PHIP: variants seen among roughly 807,000 people sequenced by gnomAD.
PHIP encodes the protein PH-interacting protein.
PHIP carries 54 observed loss-of-function variants against 236.8 expected under a neutral mutation model. That is an observed-to-expected ratio of 0.23 (90% CI 0.18 to 0.29). The LOEUF is 0.29. Among genes scored for constraint, PHIP ranks in the 10% least tolerant of loss-of-function variants. The pLI, the probability that PHIP is intolerant of heterozygous loss-of-function variation, is 1.00. For missense variants in PHIP, 1,370 were observed against 2,190.8 expected, an observed-to-expected ratio of 0.63 and a Z score of 7.48; for synonymous variants, 756 against 718.9, an observed-to-expected ratio of 1.05 and a Z score of -0.83.
chr6:78,936,927 C>T lies in PHIP; in HGVS notation c.*3766G>A, dbSNP rs1051323466. The T allele has an allele frequency of 7.3e-5, 11 of 151,664 alleles. No individual in the cohort carries two copies. The highest frequency in any genetic ancestry group is 1.6e-4 in the Non-Finnish European group (11 of 67,690). 9.4% of individuals were successfully genotyped at this position (151,664 alleles called of 1,614,324 possible). On this transcript the variant is annotated 3_prime_UTR_variant, in exon 40 of 40. Transcript: ENST00000275034. The stretch of plus-strand genomic sequence containing the variant: ...CTAAGGGAAACTGCAAGGGTAGAAG[C>T]AAAGAAAAGTGTATTTTTCAAATTT...
At chr6:78,961,900 C>T (rs1215344501) in intron 30 of PHIP, 90 bp from the exon 31 acceptor site, 12 of 959,904 alleles carry the variant, frequency 1.3e-5, no homozygotes, top group Non-Finnish European at 1.9e-5. Context: ...TTAAAAAGTC[C>T]TAATCTACAT....
At chr6:79,026,962 C>T (rs1771436423) in intron 7 of PHIP, among the ~76,000 whole-genome samples, 1 of 151,892 alleles carries the variant, frequency 6.6e-6, no homozygotes, top group African/African-American at 2.4e-5. Context: ...GTCTTTAACA[C>T]AAGGTTAAAA....
At chr6:79,076,050 A>C (rs1774143510) in intron 4 of PHIP, among the ~76,000 whole-genome samples, 1 of 152,240 alleles carries the variant, frequency 6.6e-6, no homozygotes, top group South Asian at 2.1e-4. Flanking sequence ...CTTGAAAATT[A>C]ACACACGTTC....
chr6:79,035,277 T>A (rs938069532), intron 7 of PHIP, among the ~76,000 whole-genome samples: 4 of 152,008 alleles, frequency 2.6e-5, no homozygotes, highest in African/African-American at 9.7e-5. Context: ...TTCTTGGGAG[T>A]TGACTTTCAA....
rs1450069937 is a variant in PHIP at position 79,070,293 on chromosome 6, ATTAAT to A, written c.189+7150_189+7154del. 3.9e-5 allele frequency among the ~76,000 whole-genome samples: 6 copies of A among 152,360 alleles called. No individual in the cohort carries two copies. The East Asian group carries it at 1.2e-3, about 29-fold the overall frequency. ...GGAATCTGATGAAAAGTTACTGTGT[ATTAAT>A]TTAAGGACGAAACATCCTTTAACTG... On this transcript the variant is annotated intron_variant, in intron 4 of 39. Transcript: ENST00000275034.
intron 16 of PHIP, 91 bp downstream of exon 16, chr6:79,003,639 G>A: frequency 1.2e-6 from 1 of 814,496 alleles, no homozygotes; most frequent in Non-Finnish European, 1.8e-6. Context: ...TGAATGTAAA[G>A]ATGCTGATTC....
intron 13 of PHIP, 128 bp from the exon 14 acceptor site, chr6:79,015,911 T>C (rs1770813482): frequency 3.2e-6 from 2 of 616,942 alleles, no homozygotes; most frequent in African/African-American, 3.8e-5. Flanking sequence ...AACTGAGAAG[T>C]TTGAATCAAC....
At chr6:79,071,912 T>C (rs548019194) in intron 4 of PHIP, among the ~76,000 whole-genome samples, 101 of 151,986 alleles carry the variant, frequency 6.6e-4, no homozygotes, top group African/African-American at 2.3e-3. Flanking sequence ...ATTATTATTA[T>C]TTTCTTATTA....
At position 78,971,501 on chromosome 6, in the gene PHIP, T is replaced by C. The variant is rs182472083; in HGVS notation, c.2890-613A>G. 2.0e-5 allele frequency among the ~76,000 whole-genome samples: 3 copies of C among 152,314 alleles called. No homozygotes were observed. The East Asian group carries it at 5.8e-4, about 30-fold the overall frequency. On this transcript the variant is annotated intron_variant, in intron 24 of 39. Coordinates refer to ENST00000275034, the MANE Select transcript of PHIP (RefSeq NM_017934.7). Reference sequence around the variant, plus strand: ...TATCCCATACTTTCATTCTATTCATTAATACCATTATTGCGGGGAGGGGCC... The same window carrying C: ...TATCCCATACTTTCATTCTATTCATCAATACCATTATTGCGGGGAGGGGCC...
intron 4 of PHIP, among the ~76,000 whole-genome samples, chr6:79,061,353 G>A (rs2127772963): frequency 6.6e-6 from 1 of 151,988 alleles, no homozygotes; most frequent in South Asian, 2.1e-4. Flanking sequence ...AGTATGTTTT[G>A]GGAACCCCTG....
intron 7 of PHIP, among the ~76,000 whole-genome samples, chr6:79,035,326 T>C (rs1771873572): frequency 6.6e-6 from 1 of 152,164 alleles, no homozygotes; most frequent in Admixed American, 6.6e-5. Flanking sequence ...AGTGTCATAG[T>C]ATTGGCTTCT....
At chr6:79,042,070 C>T (rs1437133315) in intron 7 of PHIP, among the ~76,000 whole-genome samples, 1 of 151,952 alleles carries the variant, frequency 6.6e-6, no homozygotes, top group Non-Finnish European at 1.5e-5. Flanking sequence ...AAATTAAAAA[C>T]CTTGTGAATG....
chr6:79,039,133 A>G (rs955296678), intron 7 of PHIP, among the ~76,000 whole-genome samples: 1 of 152,196 alleles, frequency 6.6e-6, no homozygotes, highest in Non-Finnish European at 1.5e-5. Flanking sequence ...GGTTCAATGA[A>G]AAGAAAAATT....
rs1391546840 is a variant in PHIP at position 78,963,456 on chromosome 6, CTAAA to C, written c.3380-208_3380-205del. ...TTTAAATGATACTATAAGTAATTCT[CTAAA>C]TAATTACTTCTCCAAAATTATACCT... On this transcript the variant is annotated intron_variant, in intron 29 of 39. Transcript: ENST00000275034. Among the ~76,000 whole-genome samples the C allele has an allele frequency of 4.6e-5, 7 of 152,094 alleles. No individual in the cohort carries two copies. In the East Asian group the frequency reaches 1.2e-3, roughly 25 times the overall value.
chr6:78,938,512 A>C lies in PHIP; in HGVS notation c.*2181T>G, dbSNP rs1352593489. On this transcript the variant is annotated 3_prime_UTR_variant, in exon 40 of 40. Coordinates refer to ENST00000275034, the MANE Select transcript of PHIP (RefSeq NM_017934.7). ...ACAATGCAGATAACATCAGGAAATT[A>C]CATATTTCAAATAGATTGCCTTCAA... The C allele has an allele frequency of 6.6e-6, 1 of 151,676 alleles. No individual in the cohort carries two copies. Among genetic ancestry groups the C allele is most frequent in the African/African-American group, 2.4e-5 (1 of 41,426 alleles). 9.4% of individuals were successfully genotyped at this position (151,676 alleles called of 1,614,324 possible).
rs140446081 is a variant in PHIP, at chr6:79,062,158, T to C, written c.190-1340A>G. Among the ~76,000 whole-genome samples the C allele has an allele frequency of 6.5e-4, 99 of 152,296 alleles. 1 individual carries two copies. In the South Asian group the frequency reaches 7.9e-3, roughly 12 times the overall value. The stretch of plus-strand genomic sequence containing the variant: ...AATACAGTTTGTATCATATGAATTA[T>C]ACATATTACCTCCTTGTTTTGCAGT... On this transcript the variant is annotated intron_variant, in intron 4 of 39. Transcript: ENST00000275034.
At chr6:79,005,816 G>C (rs1770259826) in intron 15 of PHIP, among the ~76,000 whole-genome samples, 1 of 151,830 alleles carries the variant, frequency 6.6e-6, no homozygotes, top group Admixed American at 6.6e-5. Context: ...TTCTTTTTGG[G>C]GGTGAGGGTT....
chr6:79,032,940 G>A (rs1771743517), intron 7 of PHIP, among the ~76,000 whole-genome samples: 1 of 151,868 alleles, frequency 6.6e-6, no homozygotes, highest in African/African-American at 2.4e-5. Flanking sequence ...TTGATCCACA[G>A]GCTGCAGAAT....
At chr6:78,984,545 C>CT (rs903660004) in intron 22 of PHIP, among the ~76,000 whole-genome samples, 5 of 152,160 alleles carry the variant, frequency 3.3e-5, no homozygotes, top group Admixed American at 2.6e-4. Context: ...ACAGGAACTC[C>CT]TATGTCATCT....
Sources: gnomAD v4.1 joint callset for allele counts (sites outside exome capture counted in the v4.1 genomes callset) on GRCh38, gnomAD v4.1.1 for gene constraint, MANE v1.5 for transcripts, NCBI Gene and HGNC (gene_info 2026-07-23, HGNC 2026-07-21) for gene names.